The following SPTSSB variants were observed in gnomAD, a reference collection of about 807,000 sequenced individuals.
SPTSSB encodes serine palmitoyltransferase small subunit B, also known as androgen down regulated in mouse prostate.
In SPTSSB, 6 loss-of-function variants were observed where a neutral mutation model predicts 7.7. The ratio of observed to expected loss-of-function variants is 0.78; its 90% confidence interval spans 0.43 to 1.54. SPTSSB has a LOEUF of 1.54. SPTSSB is among the 40% of genes most tolerant of loss of function. The pLI, the probability that SPTSSB is intolerant of heterozygous loss-of-function variation, is 0.01. For missense variants in SPTSSB, 91 were observed against 93.0 expected, an observed-to-expected ratio of 0.98 and a Z score of 0.09; for synonymous variants, 28 against 29.7, an observed-to-expected ratio of 0.94 and a Z score of 0.19.
chr3:161,369,155 C>A (rs987090818), intron 1 of SPTSSB, among the ~76,000 whole-genome samples: 4 of 152,078 alleles, frequency 2.6e-5, no homozygotes, highest in African/African-American at 9.7e-5. Flanking sequence ...TCTTCTATAG[C>A]GATTGCACCA....
chr3:161,351,051 C>A (rs892135774), intron 2 of SPTSSB, among the ~76,000 whole-genome samples: 6 of 152,016 alleles, frequency 3.9e-5, no homozygotes, highest in African/African-American at 1.2e-4. Flanking sequence ...CAAAAACAAG[C>A]AAACTGTGAA....
intron 1 of SPTSSB, among the ~76,000 whole-genome samples, chr3:161,369,550 T>A (rs1178329273): frequency 6.6e-6 from 1 of 151,902 alleles, no homozygotes; most frequent in Non-Finnish European, 1.5e-5. Flanking sequence ...GAGAAATGTC[T>A]ATTCAAATTT....
In SPTSSB at chr3:161,345,339, G is replaced by C. The variant is rs1401077514; in HGVS notation, c.*754C>G. On this transcript the variant is annotated 3_prime_UTR_variant, in exon 3 of 3. Coordinates refer to ENST00000620149, the MANE Select transcript of SPTSSB (RefSeq NM_001040100.2). ...CCATTTCTTTTCTCTTTTTCCCCCA[G>C]CATCATGCAAGGCAAGGCAACACCA... The C allele has an allele frequency of 6.6e-6, 1 of 152,372 alleles. No individual in the cohort carries two copies. The highest frequency in any genetic ancestry group is 6.6e-5 in the Admixed American group (1 of 15,252). The allele number at this position is 152,372 out of a possible 1,614,324, so 9.4% of individuals were successfully genotyped here.
At chr3:161,370,559 A>G (rs1715465337) in intron 1 of SPTSSB, among the ~76,000 whole-genome samples, 1 of 152,252 alleles carries the variant, frequency 6.6e-6, no homozygotes, top group African/African-American at 2.4e-5. Context: ...AGCAAAAATT[A>G]CCATGTCTTT....
Position 161,345,982 on chromosome 3 carries a change from A to G in SPTSSB, c.*111T>C, listed in dbSNP as rs1339068135. 10 of 646,498 alleles carry G rather than the reference A, an allele frequency of 1.5e-5. No homozygotes were observed. In the East Asian group the frequency reaches 2.5e-4, roughly 16 times the overall value. The allele number at this position is 646,498 out of a possible 1,614,324, so 40.0% of individuals were successfully genotyped here. A position where few individuals can be genotyped will look rare whatever the true frequency, so the allele number is the denominator to read the frequency against. ...GGCAGAATATAAGAGTGCATAGAGA[A>G]GAGAGTGCTTTTCAGGTCAGATAGT... On this transcript the variant is annotated 3_prime_UTR_variant, in exon 3 of 3. Coordinates refer to ENST00000620149, the MANE Select transcript of SPTSSB (RefSeq NM_001040100.2).
intron 1 of SPTSSB, among the ~76,000 whole-genome samples, chr3:161,366,966 G>C (rs776717569): frequency 4.6e-5 from 7 of 152,192 alleles, no homozygotes; most frequent in Non-Finnish European, 7.3e-5. Context: ...CCTGATGTCA[G>C]GAGTTTGAGA....
At chr3:161,366,266 G>T (rs1005529206) in intron 1 of SPTSSB, among the ~76,000 whole-genome samples, 11 of 152,196 alleles carry the variant, frequency 7.2e-5, no homozygotes, top group Non-Finnish European at 7.3e-5. Flanking sequence ...CCAGGCTGAT[G>T]ATTTCTTTGA....
intron 2 of SPTSSB, among the ~76,000 whole-genome samples, chr3:161,356,578 G>T (rs1289096781): frequency 1.3e-5 from 2 of 151,954 alleles, no homozygotes; most frequent in African/African-American, 2.4e-5. Context: ...TCACTTTTTT[G>T]GGTAATATTG....
chr3:161,346,365 A>T lies in SPTSSB; in HGVS notation c.-32-10T>A. Reference sequence around the variant, plus strand: ...CTGCAGTAAGTTTGTCCTGTTAAAGAATGTAACAGATTAGAGGATGAGGAA... The same window carrying T: ...CTGCAGTAAGTTTGTCCTGTTAAAGTATGTAACAGATTAGAGGATGAGGAA... On this transcript the variant is annotated splice_polypyrimidine_tract_variant and intron_variant, in intron 2 of 2. Transcript: ENST00000620149. 1.5e-6 allele frequency: 2 copies of T among 1,346,736 alleles called. No homozygotes were observed. Among genetic ancestry groups the T allele is most frequent in the Non-Finnish European group, 1.1e-6 (1 of 936,932 alleles). The allele number at this position is 1,346,736 out of a possible 1,614,324, so 83.4% of individuals were successfully genotyped here.
At chr3:161,361,347 T>C (rs1715007511) in intron 1 of SPTSSB, among the ~76,000 whole-genome samples, 1 of 152,140 alleles carries the variant, frequency 6.6e-6, no homozygotes, top group African/African-American at 2.4e-5. Flanking sequence ...ACCTTCTAAG[T>C]GTTGCTATGC....
At chr3:161,347,726 A>G (rs929304333) in intron 2 of SPTSSB, among the ~76,000 whole-genome samples, 2 of 151,936 alleles carry the variant, frequency 1.3e-5, no homozygotes, top group African/African-American at 2.4e-5. Context: ...ACAAAAAATT[A>G]GCTGGGCATG....
In SPTSSB at chr3:161,359,843, C is replaced by T. The variant is rs1029766219; in HGVS notation, c.-74G>A. On this transcript the variant is annotated 5_prime_UTR_variant, in exon 2 of 3. The change creates a new upstream start codon in the 5' untranslated region. Transcript: ENST00000620149. ...CTGGTTCTTCAGCCTTGCTCCTTCA[C>T]GAAATGATCCTGTGTGGGTTAGTTC... 10 of 970,622 alleles carry T rather than the reference C, an allele frequency of 1.0e-5. No homozygotes were observed. Among genetic ancestry groups the T allele is most frequent in the Admixed American group, 1.2e-4 (2 of 16,258 alleles). 60.1% of individuals were successfully genotyped at this position (970,622 alleles called of 1,614,324 possible). A position where few individuals can be genotyped will look rare whatever the true frequency, so the allele number is the denominator to read the frequency against.
intron 2 of SPTSSB, among the ~76,000 whole-genome samples, chr3:161,352,805 A>G (rs187824426): frequency 6.6e-6 from 1 of 152,170 alleles, no homozygotes; most frequent in Non-Finnish European, 1.5e-5. Context: ...GCTGGTGCTA[A>G]ATTTTTAAAA....
chr3:161,355,958 A>G (rs336566), intron 2 of SPTSSB, among the ~76,000 whole-genome samples: 20,503 of 152,230 alleles, frequency 0.13, 1,502 homozygotes, highest in East Asian at 0.24. Flanking sequence ...TTAAAAGTCA[A>G]TAAGAGTCTC....
intron 1 of SPTSSB, among the ~76,000 whole-genome samples, chr3:161,368,044 G>C (rs1715291163): frequency 6.6e-6 from 1 of 152,194 alleles, no homozygotes; most frequent in African/African-American, 2.4e-5. Context: ...ATTCTAAGTG[G>C]AGAAAAGTTT....
chr3:161,367,389 C>T (rs1347293901), intron 1 of SPTSSB, among the ~76,000 whole-genome samples: 1 of 152,120 alleles, frequency 6.6e-6, no homozygotes, highest in Non-Finnish European at 1.5e-5. Context: ...CTTGAGGTTT[C>T]CTGAAGCCGG....
chr3:161,346,142 C>T lies in SPTSSB; in HGVS notation c.182G>A (p.Trp61Ter). 1.2e-6 allele frequency: 2 copies of T among 1,611,726 alleles called. No individual in the cohort carries two copies. Among genetic ancestry groups the T allele is most frequent in the Non-Finnish European group, 1.7e-6 (2 of 1,177,892 alleles). The change falls in exon 3 of 3, where the codon TGG (tryptophan) becomes TAG (stop). Residue 61 changes from tryptophan to a stop codon, truncating the protein, a stop_gained. Coordinates refer to ENST00000620149, the MANE Select transcript of SPTSSB (RefSeq NM_001040100.2). LOFTEE classifies it high-confidence loss of function. ...TCCACATATTTTTGAGAAAAATTCCCAAGCCAGGCGAATGTGGATTGGAAT... is the reference window on the plus strand; with the variant it reads ...TCCACATATTTTTGAGAAAAATTCCTAAGCCAGGCGAATGTGGATTGGAAT... Reference protein sequence around the residue: ...VFIPIHIRLAWEFFSKICGYH... With the variant: ...VFIPIHIRLA
chr3:161,349,886 G>A (rs137883282), intron 2 of SPTSSB, among the ~76,000 whole-genome samples: 1 of 152,290 alleles, frequency 6.6e-6, no homozygotes, highest in Non-Finnish European at 1.5e-5. Context: ...TCAACGGGTG[G>A]TGATTTCCCT....
At chr3:161,346,709 C>A (rs1714255056) in intron 2 of SPTSSB, among the ~76,000 whole-genome samples, 2 of 152,010 alleles carry the variant, frequency 1.3e-5, no homozygotes, top group Admixed American at 6.6e-5. Flanking sequence ...TAAAAGTGAA[C>A]CTAAGCACAG....
Sources: allele counts gnomAD v4.1 joint callset (sites outside exome capture counted in the v4.1 genomes callset), GRCh38; gene constraint gnomAD v4.1.1; transcripts MANE v1.5; gene names NCBI Gene and HGNC (gene_info 2026-07-23, HGNC 2026-07-21).